The following ZBTB20 variants were observed in gnomAD, a reference collection of about 807,000 sequenced individuals.
ZBTB20 encodes zinc finger and BTB domain containing 20, also known as zinc finger and BTB domain-containing protein 20.
A neutral mutation model predicts 56.9 loss-of-function variants in ZBTB20; 9 were observed. The ratio of observed to expected loss-of-function variants is 0.16; its 90% CI spans 0.10 to 0.28. The LOEUF is 0.28. Ranked by LOEUF, ZBTB20 falls within the 10% of genes least tolerant of loss-of-function variation. The pLI, the probability that ZBTB20 is intolerant of heterozygous loss-of-function variation, is 1.00. For missense variants in ZBTB20, 655 were observed against 1,003.0 expected (o/e 0.65, Z 4.69); for synonymous variants, 417 against 420.7 (o/e 0.99, Z 0.11).
intron 6 of ZBTB20, among the ~76,000 whole-genome samples, chr3:114,676,191 T>C (rs2061615098): frequency 6.6e-6 from 1 of 152,182 alleles, no homozygotes; most frequent in South Asian, 2.1e-4. Flanking sequence ...CAGCATTCAT[T>C]TGATCTTCTC....
intron 7 of ZBTB20, among the ~76,000 whole-genome samples, chr3:114,421,821 T>TTA (rs1553708295): frequency 2.6e-5 from 4 of 151,374 alleles, no homozygotes; most frequent in Non-Finnish European, 5.9e-5. Flanking sequence ...TTTTTTTTTT[T>TTA]AACTCTGCGT....
chr3:114,896,549 A>G (rs1467663476), intron 4 of ZBTB20, among the ~76,000 whole-genome samples: 2 of 152,142 alleles, frequency 1.3e-5, no homozygotes, highest in African/African-American at 4.8e-5. Flanking sequence ...AGAGAAGTCA[A>G]AATGACAGAG....
At chr3:114,563,119 G>A (rs918780878) in intron 6 of ZBTB20, among the ~76,000 whole-genome samples, 1 of 152,160 alleles carries the variant, frequency 6.6e-6, no homozygotes, top group Non-Finnish European at 1.5e-5. Flanking sequence ...GTGCAATAAA[G>A]TAAAGTGCAA....
At chr3:114,706,765 T>C (rs1323065960) in intron 5 of ZBTB20, among the ~76,000 whole-genome samples, 1 of 152,102 alleles carries the variant, frequency 6.6e-6, no homozygotes, top group African/African-American at 2.4e-5. Context: ...CATTAGGTAA[T>C]GCTGTGTACA....
chr3:114,554,530 AT>A (rs1299652404), intron 6 of ZBTB20, among the ~76,000 whole-genome samples: 2 of 152,226 alleles, frequency 1.3e-5, no homozygotes, highest in African/African-American at 4.8e-5. Context: ...TTATTTCCTC[AT>A]TGATGGAATA....
intron 3 of ZBTB20, among the ~76,000 whole-genome samples, chr3:114,920,922 A>T (rs2075933073): frequency 6.6e-6 from 1 of 152,166 alleles, no homozygotes; most frequent in Non-Finnish European, 1.5e-5. Context: ...ATGATAGAAC[A>T]GAAACACACA....
chr3:114,981,901 A>T (rs192321446), intron 2 of ZBTB20, among the ~76,000 whole-genome samples: 45 of 152,160 alleles, frequency 3.0e-4, no homozygotes, highest in Admixed American at 7.2e-4. Flanking sequence ...ATTTAACACA[A>T]GTCTACTTCT....
chr3:114,604,837 C>T (rs996048894), intron 6 of ZBTB20, among the ~76,000 whole-genome samples: 5 of 152,040 alleles, frequency 3.3e-5, no homozygotes, highest in African/African-American at 1.2e-4. Context: ...ATTAGTGTTG[C>T]AGCTGTGAAC....
At chr3:115,001,783 G>A (rs2079262446) in intron 2 of ZBTB20, among the ~76,000 whole-genome samples, 1 of 151,330 alleles carries the variant, frequency 6.6e-6, no homozygotes, top group Non-Finnish European at 1.5e-5. Flanking sequence ...CCATGTTCAT[G>A]GATAGTAAGA....
intron 6 of ZBTB20, among the ~76,000 whole-genome samples, chr3:114,602,739 G>GA (rs982401024): frequency 2.0e-4 from 31 of 151,798 alleles, no homozygotes; most frequent in Admixed American, 1.6e-3. Flanking sequence ...GTATATGGGG[G>GA]AAAAAAGGCT....
At chr3:114,494,499 A>G (rs1454447592) in intron 7 of ZBTB20, among the ~76,000 whole-genome samples, 1 of 152,180 alleles carries the variant, frequency 6.6e-6, no homozygotes, top group Non-Finnish European at 1.5e-5. Flanking sequence ...TGTTTTCTAA[A>G]CACTGCTTTC....
At chr3:114,841,288 A>G (rs1023736471) in intron 4 of ZBTB20, among the ~76,000 whole-genome samples, 3 of 152,174 alleles carry the variant, frequency 2.0e-5, no homozygotes, top group African/African-American at 7.2e-5. Flanking sequence ...TGGGGGAAGA[A>G]AAGAGTAATG....
At chr3:115,122,003 T>C (rs1160505997) in intron 1 of ZBTB20, among the ~76,000 whole-genome samples, 1 of 152,060 alleles carries the variant, frequency 6.6e-6, no homozygotes, top group Non-Finnish European at 1.5e-5. Context: ...TTAATAAAAT[T>C]ACATATTTCT....
intron 6 of ZBTB20, among the ~76,000 whole-genome samples, chr3:114,644,414 T>A (rs1194975284): frequency 6.6e-6 from 1 of 152,144 alleles, no homozygotes; most frequent in Non-Finnish European, 1.5e-5. Flanking sequence ...AGTTACAGGT[T>A]ATGTTATGGT....
chr3:114,986,842 T>C (rs1401600319), intron 2 of ZBTB20, among the ~76,000 whole-genome samples: 2 of 152,162 alleles, frequency 1.3e-5, no homozygotes, highest in Non-Finnish European at 2.9e-5. Context: ...ACATATTAAT[T>C]AGCAATGTTA....
chr3:114,547,927 G>A (rs1277585535), intron 6 of ZBTB20, among the ~76,000 whole-genome samples: 1 of 152,142 alleles, frequency 6.6e-6, no homozygotes, highest in South Asian at 2.1e-4. Context: ...TGACATAACA[G>A]TGCTTTCATT....
intron 6 of ZBTB20, among the ~76,000 whole-genome samples, chr3:114,522,996 G>C (rs1168570538): frequency 6.6e-6 from 1 of 152,080 alleles, no homozygotes; most frequent in East Asian, 1.9e-4. Context: ...AATATTAAGA[G>C]AGTGAATGGA....
intron 3 of ZBTB20, among the ~76,000 whole-genome samples, chr3:114,901,783 G>A (rs1449688221): frequency 1.3e-5 from 2 of 151,908 alleles, no homozygotes; most frequent in Non-Finnish European, 2.9e-5. Flanking sequence ...TAAACATGTA[G>A]ACTACCAATT....
intron 3 of ZBTB20, among the ~76,000 whole-genome samples, chr3:114,905,132 T>C (rs575297767): frequency 2.6e-5 from 4 of 152,068 alleles, no homozygotes; most frequent in South Asian, 2.1e-4. Flanking sequence ...CTTCACAGCA[T>C]ATTCTAGAGA....
Sources: gnomAD v4.1 joint callset for allele counts (sites outside exome capture counted in the v4.1 genomes callset) on GRCh38, gnomAD v4.1.1 for gene constraint, MANE v1.5 for transcripts, NCBI Gene and HGNC (gene_info 2026-07-23, HGNC 2026-07-21) for gene names.